CEP112: variants seen among roughly 807,000 people sequenced by gnomAD.
CEP112 encodes centrosomal protein 112.
CEP112 carries 127 observed loss-of-function variants against 153.0 expected under a neutral mutation model. The observed-to-expected ratio is 0.83, with a 90% CI of 0.72 to 0.96. The LOEUF (loss-of-function observed/expected upper bound fraction) is 0.96, where lower values mean the gene tolerates loss of function less well. Ranked by LOEUF, CEP112 falls within the 40% of genes least tolerant of loss-of-function variation. CEP112 has a pLI of 0.00. For synonymous variants in CEP112, 358 were observed against 374.4 expected (o/e 0.96, Z 0.51); for missense variants, 1,089 against 1,101.2 (o/e 0.99, Z 0.16).
At chr17:65,759,431 T>C (rs935813479) in intron 21 of CEP112, among the ~76,000 whole-genome samples, 7 of 152,166 alleles carry the variant, frequency 4.6e-5, no homozygotes, top group Non-Finnish European at 1.0e-4. Context: ...AATCCAGTTA[T>C]GGCCAGCCTG....
At chr17:66,174,587 G>A (rs928616022) in intron 4 of CEP112, among the ~76,000 whole-genome samples, 1 of 151,954 alleles carries the variant, frequency 6.6e-6, no homozygotes, top group Non-Finnish European at 1.5e-5. Flanking sequence ...CCACAATAAT[G>A]GCCTTTTTGA....
At chr17:65,965,768 C>T (rs1027969193) in intron 17 of CEP112, among the ~76,000 whole-genome samples, 2 of 152,030 alleles carry the variant, frequency 1.3e-5, no homozygotes, top group African/African-American at 2.4e-5. Context: ...GCGATCCACC[C>T]CGGTCTCCTA....
chr17:65,992,676 A>T (rs1568349494), intron 17 of CEP112, among the ~76,000 whole-genome samples: 2 of 152,038 alleles, frequency 1.3e-5, no homozygotes, highest in Admixed American at 1.3e-4. Flanking sequence ...CCTTAATTCA[A>T]TTTTTTCTCC....
At chr17:66,088,432 C>A (rs2068020705) in intron 8 of CEP112, among the ~76,000 whole-genome samples, 1 of 152,112 alleles carries the variant, frequency 6.6e-6, no homozygotes, top group Non-Finnish European at 1.5e-5. Context: ...AGGCCAGCCT[C>A]CAGAATCCCT....
intron 21 of CEP112, among the ~76,000 whole-genome samples, chr17:65,806,432 A>G (rs1282764021): frequency 6.6e-6 from 1 of 152,238 alleles, no homozygotes; most frequent in Non-Finnish European, 1.5e-5. Flanking sequence ...CCTCAATGCA[A>G]CTGTGTTAAG....
intron 17 of CEP112, among the ~76,000 whole-genome samples, chr17:66,004,064 A>G (rs1006263570): frequency 3.9e-5 from 6 of 152,206 alleles, no homozygotes; most frequent in African/African-American, 1.4e-4. Flanking sequence ...AAAGTGGAAC[A>G]AGAGAGAAAA....
rs182019852 is a variant in CEP112 at position 65,695,920 on chromosome 17, A to G, written c.2608-6702T>C. ...TTATAGCTCAGAATATTGGTACTCT[A>G]AGTTCGTACTAGAGAATACAATTTC... On this transcript the variant is annotated intron_variant, in intron 23 of 26. Coordinates refer to ENST00000535342, the MANE Select transcript of CEP112 (RefSeq NM_001199165.4). Among the ~76,000 whole-genome samples the G allele has an allele frequency of 5.3e-5, 8 of 152,300 alleles. No individual in the cohort carries two copies. The East Asian group carries it at 1.2e-3, about 22-fold the overall frequency.
In CEP112 at chr17:65,635,579, C is replaced by T. The variant is rs921763152; in HGVS notation, c.*392G>A. The T allele has an allele frequency of 4.1e-5, 9 of 219,904 alleles. No individual in the cohort carries two copies. Among genetic ancestry groups the T allele is most frequent in the Non-Finnish European group, 6.2e-5 (7 of 113,366 alleles). The allele number at this position is 219,904 out of a possible 1,614,324, so 13.6% of individuals were successfully genotyped here. A position where few individuals can be genotyped will look rare whatever the true frequency, so the allele number is the denominator to read the frequency against. On this transcript the variant is annotated 3_prime_UTR_variant, in exon 27 of 27. Transcript: ENST00000535342. ...TATTTTAATAACATAGGAACATGAACATGAAAACAATGTAAACAGGTTAGA... is the reference window on the plus strand; with the variant it reads ...TATTTTAATAACATAGGAACATGAATATGAAAACAATGTAAACAGGTTAGA...
At chr17:65,727,250 A>G (rs569776842) in intron 23 of CEP112, among the ~76,000 whole-genome samples, 2 of 152,176 alleles carry the variant, frequency 1.3e-5, no homozygotes, top group South Asian at 4.1e-4. Context: ...AGTAAGAATG[A>G]GCATTTTTTT....
chr17:66,133,564 T>C (rs1327943752), intron 4 of CEP112, among the ~76,000 whole-genome samples: 1 of 152,192 alleles, frequency 6.6e-6, no homozygotes. Context: ...AATATAAATA[T>C]CATATAAAAT....
chr17:65,956,988 T>C (rs1286050383), intron 18 of CEP112, among the ~76,000 whole-genome samples: 1 of 152,072 alleles, frequency 6.6e-6, no homozygotes, highest in Non-Finnish European at 1.5e-5. Flanking sequence ...ACAGCATGGA[T>C]ATGCTGGATA....
intron 1 of CEP112, among the ~76,000 whole-genome samples, chr17:66,188,070 C>T (rs1356460714): frequency 4.6e-5 from 7 of 152,006 alleles, no homozygotes; most frequent in African/African-American, 1.4e-4. Context: ...TGAACTACTG[C>T]GGCAGCCTCA....
chr17:65,892,495 C>T (rs2059502215), intron 20 of CEP112, among the ~76,000 whole-genome samples: 1 of 151,886 alleles, frequency 6.6e-6, no homozygotes, highest in Non-Finnish European at 1.5e-5. Context: ...TTTTACGAAA[C>T]ACCAACATTA....
intron 4 of CEP112, among the ~76,000 whole-genome samples, chr17:66,146,319 AT>A (rs992912597): frequency 3.3e-5 from 5 of 152,004 alleles, no homozygotes; most frequent in African/African-American, 9.7e-5. Context: ...CAGATTTCCC[AT>A]TTCTTGAGTC....
intron 17 of CEP112, among the ~76,000 whole-genome samples, chr17:65,983,370 G>A (rs1363894199): frequency 6.6e-6 from 1 of 152,156 alleles, no homozygotes; most frequent in Non-Finnish European, 1.5e-5. Context: ...CTTTAATGTT[G>A]TTTAATTTTT....
chr17:65,769,019 T>C (rs7222415), intron 21 of CEP112, among the ~76,000 whole-genome samples: 71,563 of 151,914 alleles, frequency 0.47, 18,647 homozygotes, highest in East Asian at 0.78. Context: ...ATGACATGAT[T>C]GTGTATGTGA....
At chr17:66,000,492 T>TAAAAA (rs74269525) in intron 17 of CEP112, among the ~76,000 whole-genome samples, 1 of 139,844 alleles carries the variant, frequency 7.2e-6, no homozygotes, top group Non-Finnish European at 1.5e-5. Context: ...GTCAGTAGAT[T>TAAAAA]AAAAAAAAAA....
chr17:65,885,915 G>T (rs1293642876), intron 20 of CEP112, among the ~76,000 whole-genome samples: 3 of 152,148 alleles, frequency 2.0e-5, no homozygotes, highest in Admixed American at 1.3e-4. Flanking sequence ...TGCCACATTT[G>T]CAAGTCCTGA....
At chr17:65,903,380 T>G (rs546915544) in intron 19 of CEP112, 2 of 152,258 alleles carry the variant, frequency 1.3e-5, no homozygotes, top group Non-Finnish European at 2.9e-5. Context: ...ATCTTAAAGC[T>G]ATAGCATTCA....
Sources: allele counts gnomAD v4.1 joint callset (sites outside exome capture counted in the v4.1 genomes callset), GRCh38; gene constraint gnomAD v4.1.1; transcripts MANE v1.5; gene names NCBI Gene and HGNC (gene_info 2026-07-23, HGNC 2026-07-21).